NFIA: variants seen among roughly 807,000 people sequenced by gnomAD.
The protein encoded by NFIA is nuclear factor I A, also known as nuclear factor 1 A-type.
NFIA carries 8 observed loss-of-function variants against 62.8 expected under a neutral mutation model. The observed-to-expected ratio is 0.13, with a 90% CI of 0.07 to 0.23. NFIA has a LOEUF of 0.23. NFIA is among the 10% of genes least tolerant of loss of function. The probability of loss-of-function intolerance (pLI) is 1.00; values close to 1 mark genes in which losing one functional copy is unlikely to be tolerated. For missense variants in NFIA, 410 were observed against 642.1 expected (o/e 0.64, Z 3.91); for synonymous variants, 235 against 238.1 (o/e 0.99, Z 0.12).
chr1:61,149,644 A>T (rs970376636), intron 2 of NFIA, among the ~76,000 whole-genome samples: 2 of 152,200 alleles, frequency 1.3e-5, no homozygotes, highest in African/African-American at 4.8e-5. Flanking sequence ...TTTGTGTCAG[A>T]TGGGTGTGAT....
chr1:61,220,073 A>C (rs992734442), intron 2 of NFIA, among the ~76,000 whole-genome samples: 2 of 152,220 alleles, frequency 1.3e-5, no homozygotes, highest in African/African-American at 4.8e-5. Flanking sequence ...AATGATAGGG[A>C]GGCATGTTTT....
chr1:61,446,415 A>G (rs553726208), intron 10 of NFIA, among the ~76,000 whole-genome samples: 173 of 152,234 alleles, frequency 1.1e-3, no homozygotes, highest in African/African-American at 4.0e-3. Context: ...GGGGTCTGTC[A>G]TGATTCCTGC....
chr1:61,208,658 T>C (rs116252707), intron 2 of NFIA, among the ~76,000 whole-genome samples: 289 of 152,330 alleles, frequency 1.9e-3, no homozygotes, highest in Middle Eastern at 0.01. Context: ...AGGATTGTTA[T>C]AAGGGTTAAA....
intron 10 of NFIA, among the ~76,000 whole-genome samples, chr1:61,435,253 A>G (rs2100566365): frequency 6.6e-6 from 1 of 152,262 alleles, no homozygotes; most frequent in South Asian, 2.1e-4. Flanking sequence ...GATCTTGTGT[A>G]TCTTACCCTT....
At chr1:61,447,306 G>A (rs1365197638) in intron 10 of NFIA, among the ~76,000 whole-genome samples, 1 of 152,120 alleles carries the variant, frequency 6.6e-6, no homozygotes, top group Non-Finnish European at 1.5e-5. Flanking sequence ...TTCCCATATG[G>A]AAAAGGGTTT....
At chr1:61,126,332 T>TC (rs1434485051) in intron 2 of NFIA, among the ~76,000 whole-genome samples, 1 of 152,036 alleles carries the variant, frequency 6.6e-6, no homozygotes, top group East Asian at 1.9e-4. Flanking sequence ...CTCAGGAGGA[T>TC]CACAGAGCTG....
At chr1:61,201,268 A>C (rs916642658) in intron 2 of NFIA, among the ~76,000 whole-genome samples, 4 of 152,220 alleles carry the variant, frequency 2.6e-5, no homozygotes, top group Admixed American at 2.6e-4. Context: ...TAATCGACAC[A>C]TCCGCTCCTC....
At chr1:61,203,340 G>T (rs75121004) in intron 2 of NFIA, among the ~76,000 whole-genome samples, 1 of 152,104 alleles carries the variant, frequency 6.6e-6, no homozygotes, top group Admixed American at 6.6e-5. Context: ...AAAAGTGAGC[G>T]CTTCAAGTGC....
chr1:61,126,462 A>ACACACACACACACACACACACTCT (rs35045816), intron 2 of NFIA, among the ~76,000 whole-genome samples: 23 of 145,820 alleles, frequency 1.6e-4, no homozygotes, highest in Non-Finnish European at 3.0e-4. Context: ...ACACACACAC[A>ACACACACACACACACACACACTCT]CACACACACA....
chr1:61,290,043 T>A (rs1292157420), intron 3 of NFIA, among the ~76,000 whole-genome samples: 1 of 146,998 alleles, frequency 6.8e-6, no homozygotes, highest in Non-Finnish European at 1.5e-5. Flanking sequence ...AAAATATACA[T>A]CTTTATAGAA....
intron 3 of NFIA, among the ~76,000 whole-genome samples, chr1:61,322,954 G>A (rs1421452947): frequency 6.6e-6 from 1 of 152,028 alleles, no homozygotes; most frequent in Non-Finnish European, 1.5e-5. Context: ...TGTCTCTATG[G>A]CTATGGCAGA....
At chr1:61,122,014 A>G (rs892929575) in intron 2 of NFIA, among the ~76,000 whole-genome samples, 8 of 152,200 alleles carry the variant, frequency 5.3e-5, no homozygotes, top group Non-Finnish European at 1.0e-4. Flanking sequence ...ATAGGATGTT[A>G]TAGTTATAAG....
At chr1:61,182,138 A>G (rs2100562239) in intron 2 of NFIA, among the ~76,000 whole-genome samples, 1 of 152,312 alleles carries the variant, frequency 6.6e-6, no homozygotes, top group East Asian at 1.9e-4. Context: ...TATTTTTAAC[A>G]TACATGTTGT....
At chr1:61,122,856 C>G (rs1213363090) in intron 2 of NFIA, among the ~76,000 whole-genome samples, 2 of 152,068 alleles carry the variant, frequency 1.3e-5, no homozygotes, top group African/African-American at 4.8e-5. Context: ...GTTTGCTGCA[C>G]CTGTCAGCCA....
intron 9 of NFIA, among the ~76,000 whole-genome samples, chr1:61,417,935 G>A (rs1666430512): frequency 6.6e-6 from 1 of 152,104 alleles, no homozygotes; most frequent in African/African-American, 2.4e-5. Flanking sequence ...TGGGAGATTG[G>A]AGTAATGTCC....
At chr1:61,435,201 A>G (rs1667272782) in intron 10 of NFIA, among the ~76,000 whole-genome samples, 1 of 152,220 alleles carries the variant, frequency 6.6e-6, no homozygotes, top group East Asian at 1.9e-4. Flanking sequence ...AAGGAGTAGG[A>G]CAGACCTGTT....
At chr1:61,144,924 G>GAC (rs10655681) in intron 2 of NFIA, among the ~76,000 whole-genome samples, 140,903 of 152,132 alleles carry the variant, frequency 0.93, 65,432 homozygotes, top group Middle Eastern at 0.97. Context: ...AGGCGCACCT[G>GAC]ACACAGAGTC....
At chr1:61,174,983 T>G (rs765858408) in intron 2 of NFIA, among the ~76,000 whole-genome samples, 2 of 151,994 alleles carry the variant, frequency 1.3e-5, no homozygotes, top group Admixed American at 1.3e-4. Flanking sequence ...TTGGTATTCT[T>G]GAAAATGTGG....
At chr1:61,366,169 C>T (rs190149736) in intron 6 of NFIA, among the ~76,000 whole-genome samples, 3 of 152,182 alleles carry the variant, frequency 2.0e-5, no homozygotes, top group Admixed American at 6.5e-5. Flanking sequence ...TATTTGTCCC[C>T]GAAGTTAACG....
Sources: allele counts gnomAD v4.1 joint callset (sites outside exome capture counted in the v4.1 genomes callset), GRCh38; gene constraint gnomAD v4.1.1; transcripts MANE v1.5; gene names NCBI Gene and HGNC (gene_info 2026-07-23, HGNC 2026-07-21).